The following PRKD1 variants were observed in gnomAD, a reference collection of about 807,000 sequenced individuals.
PRKD1 encodes the protein protein kinase D1.
A neutral mutation model predicts 95.9 loss-of-function variants in PRKD1; 63 were observed. The observed-to-expected ratio is 0.66, with a 90% CI of 0.54 to 0.81. The LOEUF is 0.81. PRKD1 is among the 30% of genes least tolerant of loss of function. PRKD1 has a pLI of 0.00. For synonymous variants in PRKD1, 425 were observed against 423.1 expected (o/e 1.00, Z -0.05); for missense variants, 1,048 against 1,165.3 (o/e 0.90, Z 1.47).
chr14:29,643,288 A>G (rs1178197880), intron 4 of PRKD1, among the ~76,000 whole-genome samples: 1 of 152,212 alleles, frequency 6.6e-6, no homozygotes, highest in East Asian at 1.9e-4. Flanking sequence ...GAGTTAACAC[A>G]TCATGCATGG....
chr14:29,770,041 C>A (rs1888433277), intron 1 of PRKD1, among the ~76,000 whole-genome samples: 1 of 152,128 alleles, frequency 6.6e-6, no homozygotes, highest in East Asian at 1.9e-4. Context: ...CTGAAGGAAC[C>A]TGTTTGCCTC....
At chr14:29,790,756 A>G (rs531166940) in intron 1 of PRKD1, among the ~76,000 whole-genome samples, 1 of 152,350 alleles carries the variant, frequency 6.6e-6, no homozygotes, top group Non-Finnish European at 1.5e-5. Flanking sequence ...TCACTCACAG[A>G]ACAAACAGTA....
chr14:29,768,631 C>G (rs1054967773), intron 1 of PRKD1, among the ~76,000 whole-genome samples: 45 of 151,930 alleles, frequency 3.0e-4, no homozygotes, highest in African/African-American at 1.0e-3. Flanking sequence ...TACGAGTTCA[C>G]CCACTATTTC....
intron 2 of PRKD1, among the ~76,000 whole-genome samples, chr14:29,701,852 T>G (rs1360384880): frequency 6.6e-6 from 1 of 152,184 alleles, no homozygotes. Context: ...TAATATGATC[T>G]GAGGCTGATA....
intron 1 of PRKD1, among the ~76,000 whole-genome samples, chr14:29,866,296 T>C (rs1453561176): frequency 1.3e-5 from 2 of 152,236 alleles, no homozygotes; most frequent in South Asian, 2.1e-4. Context: ...AATCATTTTA[T>C]ATACAAAGCA....
intron 2 of PRKD1, among the ~76,000 whole-genome samples, chr14:29,722,494 T>C (rs1306877372): frequency 6.6e-6 from 1 of 152,226 alleles, no homozygotes; most frequent in Non-Finnish European, 1.5e-5. Context: ...TTTCTGAGGA[T>C]ATATCTAGAA....
At chr14:29,858,417 T>C (rs563014691) in intron 1 of PRKD1, among the ~76,000 whole-genome samples, 2 of 152,366 alleles carry the variant, frequency 1.3e-5, no homozygotes, top group South Asian at 2.1e-4. Flanking sequence ...AATGTCTCTA[T>C]AAGACCTTTG....
chr14:29,671,947 A>T (rs1882869472), intron 2 of PRKD1, among the ~76,000 whole-genome samples: 1 of 152,228 alleles, frequency 6.6e-6, no homozygotes, highest in South Asian at 2.1e-4. Context: ...AAGATAAAAG[A>T]GAGAGATAAG....
chr14:29,782,878 A>G (rs1889112201), intron 1 of PRKD1, among the ~76,000 whole-genome samples: 1 of 152,132 alleles, frequency 6.6e-6, no homozygotes, highest in African/African-American at 2.4e-5. Context: ...CTGATGCAGA[A>G]ATTTTCAGTT....
At chr14:29,602,427 C>CTTTTTTTTT (rs11331211) in intron 13 of PRKD1, among the ~76,000 whole-genome samples, 5 of 131,436 alleles carry the variant, frequency 3.8e-5, no homozygotes, top group African/African-American at 5.8e-5. Context: ...CTGTATTCCT[C>CTTTTTTTTT]TTTTTTTTTT....
rs903998426 is a variant in PRKD1, at chr14:29,885,317, T to C, written c.264+41932A>G. 3.3e-5 allele frequency among the ~76,000 whole-genome samples: 5 copies of C among 152,210 alleles called. No homozygotes were observed. In the East Asian group the frequency reaches 9.7e-4, roughly 30 times the overall value. ...CCTGAGAAAATAAAATGTATAGCTT[T>C]ATTTATTTCTGTGAGATGAGTTACC... On this transcript the variant is annotated intron_variant, in intron 1 of 17. Transcript: ENST00000331968.
chr14:29,889,738 G>A (rs559230088), intron 1 of PRKD1, among the ~76,000 whole-genome samples: 2 of 152,160 alleles, frequency 1.3e-5, no homozygotes, highest in Non-Finnish European at 2.9e-5. Flanking sequence ...AGAGCCTGCC[G>A]GATGTGTGGA....
intron 2 of PRKD1, among the ~76,000 whole-genome samples, chr14:29,720,224 C>G (rs1158286449): frequency 1.3e-5 from 2 of 152,098 alleles, no homozygotes; most frequent in African/African-American, 4.8e-5. Context: ...AAACACCTTA[C>G]AATATAGGTG....
intron 4 of PRKD1, among the ~76,000 whole-genome samples, chr14:29,663,197 T>C (rs1012672322): frequency 4.1e-5 from 6 of 145,574 alleles, no homozygotes; most frequent in African/African-American, 1.3e-4. Context: ...ATATTTAAAG[T>C]GTTAAGTCCT....
chr14:29,808,081 A>T (rs1890314375), intron 1 of PRKD1, among the ~76,000 whole-genome samples: 1 of 152,168 alleles, frequency 6.6e-6, no homozygotes, highest in Non-Finnish European at 1.5e-5. Flanking sequence ...TCTTCATGAA[A>T]GATTTCTCTG....
intron 1 of PRKD1, among the ~76,000 whole-genome samples, chr14:29,891,256 GCAA>G (rs1206235172): frequency 6.6e-6 from 1 of 152,170 alleles, no homozygotes; most frequent in Non-Finnish European, 1.5e-5. Context: ...TCAAGGGAGA[GCAA>G]CAACAGTCTA....
intron 1 of PRKD1, among the ~76,000 whole-genome samples, chr14:29,746,619 T>C (rs1028697972): frequency 6.6e-6 from 1 of 152,096 alleles, no homozygotes; most frequent in African/African-American, 2.4e-5. Flanking sequence ...CTTTGGTTCA[T>C]TACTGTATCC....
chr14:29,840,190 C>T (rs970069567), intron 1 of PRKD1, among the ~76,000 whole-genome samples: 1 of 152,150 alleles, frequency 6.6e-6, no homozygotes, highest in African/African-American at 2.4e-5. Flanking sequence ...TGCTTCGATG[C>T]TTGGAAATTT....
intron 1 of PRKD1, among the ~76,000 whole-genome samples, chr14:29,782,380 C>T (rs1889084572): frequency 6.6e-6 from 1 of 151,536 alleles, no homozygotes; most frequent in Non-Finnish European, 1.5e-5. Context: ...GCAGCAAAAC[C>T]CAAAAGGTCC....
Sources: allele counts gnomAD v4.1 joint callset (sites outside exome capture counted in the v4.1 genomes callset), GRCh38; gene constraint gnomAD v4.1.1; transcripts MANE v1.5; gene names NCBI Gene and HGNC (gene_info 2026-07-23, HGNC 2026-07-21).